The following STPG2 variants were observed in gnomAD, a reference collection of about 807,000 sequenced individuals.
STPG2 encodes sperm-tail PG-rich repeat-containing protein 2.
A neutral mutation model predicts 54.2 loss-of-function variants in STPG2; 56 were observed. That is an observed-to-expected ratio of 1.03 (90% CI 0.83 to 1.29). The LOEUF (loss-of-function observed/expected upper bound fraction) is 1.29, where lower values mean the gene tolerates loss of function less well. STPG2 is among the 50% of genes most tolerant of loss of function. The probability of loss-of-function intolerance (pLI) is 0.00; values close to 1 mark genes in which losing one functional copy is unlikely to be tolerated. For missense variants in STPG2, 596 were observed against 544.9 expected, an observed-to-expected ratio of 1.09 and a Z score of -0.93; for synonymous variants, 200 against 181.8, an observed-to-expected ratio of 1.10 and a Z score of -0.81.
chr4:97,594,035 T>A (rs1733216181), intron 10 of STPG2, among the ~76,000 whole-genome samples: 1 of 152,132 alleles, frequency 6.6e-6, no homozygotes, highest in Non-Finnish European at 1.5e-5. Flanking sequence ...TGAAGGAACG[T>A]CAGCCCATAC....
At chr4:97,702,063 G>T (rs1035054889) in intron 10 of STPG2, among the ~76,000 whole-genome samples, 1 of 152,098 alleles carries the variant, frequency 6.6e-6, no homozygotes, top group Non-Finnish European at 1.5e-5. Flanking sequence ...CTCCCAGCTG[G>T]GATGAGTAGG....
intron 4 of STPG2, among the ~76,000 whole-genome samples, chr4:97,452,133 C>CA (rs1729392204): frequency 2.1e-5 from 2 of 95,850 alleles, no homozygotes; most frequent in African/African-American, 3.9e-5. Context: ...CCCCCCCCCC[C>CA]CCGCCCCCAG....
intron 10 of STPG2, among the ~76,000 whole-genome samples, chr4:97,617,038 A>G (rs1275963363): frequency 6.6e-6 from 1 of 152,130 alleles, no homozygotes; most frequent in Admixed American, 6.6e-5. Flanking sequence ...AAGCTAACTA[A>G]CCAAATTAGT....
chr4:97,885,098 G>C (rs7656688), intron 8 of STPG2, among the ~76,000 whole-genome samples: 1 of 151,984 alleles, frequency 6.6e-6, no homozygotes, highest in Non-Finnish European at 1.5e-5. Flanking sequence ...CTACAGAAAC[G>C]TAACGCTTAA....
At chr4:97,896,723 A>G (rs980882893) in intron 8 of STPG2, among the ~76,000 whole-genome samples, 6 of 151,810 alleles carry the variant, frequency 4.0e-5, no homozygotes, top group Admixed American at 3.3e-4. Context: ...TTTTGTAAAA[A>G]TTAAATGTTA....
chr4:97,768,099 G>C (rs778221948), intron 9 of STPG2, among the ~76,000 whole-genome samples: 9 of 151,834 alleles, frequency 5.9e-5, no homozygotes, highest in African/African-American at 2.2e-4. Context: ...CCCAGGAGGC[G>C]GATCTTGCAG....
intron 7 of STPG2, among the ~76,000 whole-genome samples, chr4:97,964,462 T>A (rs911086793): frequency 1.3e-5 from 2 of 151,998 alleles, no homozygotes; most frequent in South Asian, 2.1e-4. Flanking sequence ...TGTCTCTTAA[T>A]GATAAAAAAA....
chr4:97,750,886 C>T (rs1725561674), intron 9 of STPG2, among the ~76,000 whole-genome samples: 1 of 151,760 alleles, frequency 6.6e-6, no homozygotes. Context: ...TTTGCGGACA[C>T]TTAATAATCA....
intron 8 of STPG2, among the ~76,000 whole-genome samples, chr4:97,877,767 CTCATGTCT>C (rs1262049560): frequency 1.2e-4 from 18 of 152,260 alleles, no homozygotes; most frequent in Non-Finnish European, 2.4e-4. Flanking sequence ...CCCTCCCAAT[CTCATGTCT>C]TCACATCTCA....
intron 10 of STPG2, among the ~76,000 whole-genome samples, chr4:97,640,940 T>C (rs1289810426): frequency 6.6e-6 from 1 of 151,576 alleles, no homozygotes; most frequent in African/African-American, 2.4e-5. Flanking sequence ...TCCTGCAAGA[T>C]AAAGAATTAT....
rs534391768 is a variant in STPG2 at position 97,656,262 on chromosome 4, C to A, written c.1320+56437G>T. 3.8e-3 allele frequency among the ~76,000 whole-genome samples: 572 copies of A among 152,182 alleles called. 2 individuals carry two copies. The highest frequency in any genetic ancestry group is 6.3e-3 in the Non-Finnish European group (431 of 67,972). On this transcript the variant is annotated intron_variant, in intron 10 of 10. Coordinates refer to ENST00000295268, the MANE Select transcript of STPG2 (RefSeq NM_174952.3). ...ACACAAACCAACTCATGACTAACAC[C>A]ATTTGCCCAAGGGAAAATATTCACA...
chr4:97,456,095 A>C (rs1729510579), intron 4 of STPG2, among the ~76,000 whole-genome samples: 2 of 152,252 alleles, frequency 1.3e-5, no homozygotes, highest in Admixed American at 1.3e-4. Flanking sequence ...GAAAATAAGA[A>C]GACTAGCTAC....
At chr4:97,948,611 T>C (rs1733341264) in intron 7 of STPG2, among the ~76,000 whole-genome samples, 1 of 152,114 alleles carries the variant, frequency 6.6e-6, no homozygotes, top group Admixed American at 6.6e-5. Flanking sequence ...TGATGACTCA[T>C]GTCACTATTA....
At chr4:97,946,596 C>T (rs1358091617) in intron 7 of STPG2, among the ~76,000 whole-genome samples, 2 of 152,088 alleles carry the variant, frequency 1.3e-5, no homozygotes, top group Non-Finnish European at 2.9e-5. Flanking sequence ...GATTCAGTTT[C>T]ATTCTTCTAA....
At chr4:97,913,958 T>C (rs1349562002) in intron 8 of STPG2, among the ~76,000 whole-genome samples, 1 of 152,110 alleles carries the variant, frequency 6.6e-6, no homozygotes, top group Non-Finnish European at 1.5e-5. Flanking sequence ...AAAATTATAA[T>C]TGCAAATCCT....
chr4:98,043,685 A>C (rs1737034347), intron 5 of STPG2, among the ~76,000 whole-genome samples: 1 of 152,054 alleles, frequency 6.6e-6, no homozygotes, highest in Non-Finnish European at 1.5e-5. Flanking sequence ...CATTGTCTTT[A>C]ATACTTTCAT....
intron 4 of STPG2, among the ~76,000 whole-genome samples, chr4:97,477,411 T>C (rs904459912): frequency 6.6e-6 from 1 of 151,990 alleles, no homozygotes. Context: ...AAAGAAAAAT[T>C]TTATATCATT....
chr4:97,747,849 T>C (rs926944606), intron 9 of STPG2, among the ~76,000 whole-genome samples: 1 of 151,510 alleles, frequency 6.6e-6, no homozygotes. Flanking sequence ...TTCTTGGTTT[T>C]ATTCAGACGT....
intron 5 of STPG2, among the ~76,000 whole-genome samples, chr4:98,073,450 G>T (rs1412419812): frequency 1.3e-5 from 2 of 152,172 alleles, no homozygotes; most frequent in Non-Finnish European, 2.9e-5. Flanking sequence ...AATTGGCCAG[G>T]TGTGGCGGCT....
Sources: allele counts gnomAD v4.1 joint callset (sites outside exome capture counted in the v4.1 genomes callset), GRCh38; gene constraint gnomAD v4.1.1; transcripts MANE v1.5; gene names NCBI Gene and HGNC (gene_info 2026-07-23, HGNC 2026-07-21).